The following MIF4GD variants were observed in gnomAD, a reference collection of about 807,000 sequenced individuals.
MIF4GD encodes MIF4G domain containing.
Under a neutral mutation model 26.7 loss-of-function variants are expected in MIF4GD, and 22 were observed. The ratio of observed to expected loss-of-function variants is 0.82; its 90% CI spans 0.59 to 1.18. The LOEUF (loss-of-function observed/expected upper bound fraction) is 1.18, where lower values mean the gene tolerates loss of function less well. MIF4GD is among the 50% of genes most tolerant of loss of function. The probability of loss-of-function intolerance (pLI) is 0.00; values close to 1 mark genes in which losing one functional copy is unlikely to be tolerated. For missense variants in MIF4GD, 262 were observed against 279.6 expected, an observed-to-expected ratio of 0.94 and a Z score of 0.45; for synonymous variants, 137 against 111.6, an observed-to-expected ratio of 1.23 and a Z score of -1.43.
chr17:75,269,281 T>C (rs1389670209), intron 2 of MIF4GD: 30 of 1,590,990 alleles, frequency 1.9e-5, no homozygotes, highest in East Asian at 6.8e-5. Flanking sequence ...GAGGGCCACA[T>C]AGGGCCTCCC....
upstream of MIF4GD, chr17:75,271,283 C>T (rs2077727453): frequency 6.6e-6 from 1 of 151,642 alleles, no homozygotes; most frequent in Non-Finnish European, 1.5e-5. The surrounding 1 kb of genome is among the most constrained non-coding windows in gnomAD (Gnocchi z 4.2). Context: ...CCCGCGCCAC[C>T]TGCCGGGCCC....
Position 75,270,969 on chromosome 17 carries a change from G to C in MIF4GD, c.-51+175C>G, listed in dbSNP as rs1374166239. ...GGGGGGCAGGATGATGCGCCCCGGA[G>C]AGGTGGCTCCCGCCGGAGGCTCCCC... On this transcript the variant is annotated intron_variant, in intron 1 of 5. Coordinates refer to ENST00000325102, the MANE Select transcript of MIF4GD (RefSeq NM_001370592.1). This position sits in a 1 kb window ranked among gnomAD's most constrained non-coding sequence, Gnocchi z 5.7. 1 of 152,216 alleles carries C rather than the reference G, an allele frequency of 6.6e-6. No homozygotes were observed. The highest frequency in any genetic ancestry group is 1.5e-5 in the Non-Finnish European group (1 of 68,052). 9.4% of individuals were successfully genotyped at this position (152,216 alleles called of 1,614,324 possible).
chr17:75,270,049 G>T lies in MIF4GD; in HGVS notation c.82+65C>A, dbSNP rs2077674243. 1 of 1,409,904 alleles carries T rather than the reference G, an allele frequency of 7.1e-7. No homozygotes were observed. The highest frequency in any genetic ancestry group is 1.7e-5 in the Admixed American group (1 of 59,272). The allele number at this position is 1,409,904 out of a possible 1,614,324, so 87.3% of individuals were successfully genotyped here. A position where few individuals can be genotyped will look rare whatever the true frequency, so the allele number is the denominator to read the frequency against. ...AGGCATTCACCAGGCTCAGCCTCTG[G>T]TGCTGCCCACAGGGGCCCTTCTCTG... On this transcript the variant is annotated intron_variant, in intron 2 of 5. Transcript: ENST00000325102. This position sits in a 1 kb window ranked among gnomAD's most constrained non-coding sequence, Gnocchi z 5.7.
intron 5 of MIF4GD, among the ~76,000 whole-genome samples, 163 bp from the exon 6 acceptor site, chr17:75,267,130 G>A (rs368777739): frequency 1.2e-4 from 18 of 152,110 alleles, no homozygotes; most frequent in African/African-American, 4.3e-4. Flanking sequence ...AAAGAAATGA[G>A]TTCCGGGACT....
Position 75,270,217 on chromosome 17 carries a change from CTT to C in MIF4GD, c.-24_-23del. ...CCATGACTAGCCAGCCCCGGTAGCT[CTT>C]GACTGGGCTGGGAATAAGGACAGCA... On this transcript the variant is annotated 5_prime_UTR_variant, in exon 2 of 6. Coordinates refer to ENST00000325102, the MANE Select transcript of MIF4GD (RefSeq NM_001370592.1). The surrounding 1 kb of genome is among the most constrained non-coding windows in gnomAD (Gnocchi z 5.7). 1 of 1,597,014 alleles carries C rather than the reference CTT, an allele frequency of 6.3e-7. No homozygotes were observed. The highest frequency in any genetic ancestry group is 8.6e-7 in the Non-Finnish European group (1 of 1,164,510).
Position 75,270,342 on chromosome 17 carries a change from A to G in MIF4GD, c.-50-97T>C, listed in dbSNP as rs1414635455. On this transcript the variant is annotated intron_variant, in intron 1 of 5. Coordinates refer to ENST00000325102, the MANE Select transcript of MIF4GD (RefSeq NM_001370592.1). The surrounding 1 kb of genome is among the most constrained non-coding windows in gnomAD (Gnocchi z 5.7). ...ACGGGGCTGACGGCGCGCTCGGGAC[A>G]GGGACTCCTGGGCGGTCCGTGGCGT... is the stretch of plus-strand genomic sequence containing the variant. 2.0e-5 allele frequency: 14 copies of G among 692,276 alleles called. No homozygotes were observed. In the East Asian group the frequency reaches 3.2e-4, roughly 16 times the overall value. 42.9% of individuals were successfully genotyped at this position (692,276 alleles called of 1,614,324 possible). A position where few individuals can be genotyped will look rare whatever the true frequency, so the allele number is the denominator to read the frequency against.
Position 75,270,586 on chromosome 17 carries a change from C to T in MIF4GD, c.-50-341G>A. 1 of 200,854 alleles carries T rather than the reference C, an allele frequency of 5.0e-6. No individual in the cohort carries two copies. Among genetic ancestry groups the T allele is most frequent in the South Asian group, 7.4e-5 (1 of 13,592 alleles). The allele number at this position is 200,854 out of a possible 1,614,324, so 12.4% of individuals were successfully genotyped here. A position where few individuals can be genotyped will look rare whatever the true frequency, so the allele number is the denominator to read the frequency against. On this transcript the variant is annotated intron_variant, in intron 1 of 5. Coordinates refer to ENST00000325102, the MANE Select transcript of MIF4GD (RefSeq NM_001370592.1). The surrounding 1 kb of genome is among the most constrained non-coding windows in gnomAD (Gnocchi z 5.7). ...CGTTACAGTTGCTTAAATAAACCGG[C>T]CTGACGTTGCTGGCCCAGGAAGATG...
chr17:75,268,371 T>C (rs907788181), intron 2 of MIF4GD, among the ~76,000 whole-genome samples, 179 bp from the exon 3 acceptor site: 5 of 152,266 alleles, frequency 3.3e-5, no homozygotes, highest in East Asian at 3.9e-4. Context: ...ATGGTACTTA[T>C]AAGAAATCAT....
chr17:75,270,558 G>T lies in MIF4GD; in HGVS notation c.-50-313C>A. On this transcript the variant is annotated intron_variant, in intron 1 of 5. Coordinates refer to ENST00000325102, the MANE Select transcript of MIF4GD (RefSeq NM_001370592.1). The surrounding 1 kb of genome is among the most constrained non-coding windows in gnomAD (Gnocchi z 5.7). ...AGACTGGGGCAGGGTGTGTGCGGGCGGACGTTACAGTTGCTTAAATAAACC... is the reference window on the plus strand; with the variant it reads ...AGACTGGGGCAGGGTGTGTGCGGGCTGACGTTACAGTTGCTTAAATAAACC... 1 of 245,152 alleles carries T rather than the reference G, an allele frequency of 4.1e-6. No individual in the cohort carries two copies. The highest frequency in any genetic ancestry group is 4.8e-5 in the South Asian group (1 of 20,968). 15.2% of individuals were successfully genotyped at this position (245,152 alleles called of 1,614,324 possible). A position where few individuals can be genotyped will look rare whatever the true frequency, so the allele number is the denominator to read the frequency against.
Position 75,266,732 on chromosome 17 carries a change from C to G in MIF4GD, c.*8G>C, listed in dbSNP as rs145006252. 3.0e-3 allele frequency: 4,842 copies of G among 1,613,988 alleles called. 13 individuals carry two copies. The highest frequency in any genetic ancestry group is 3.8e-3 in the Non-Finnish European group (4,516 of 1,179,818). On this transcript the variant is annotated 3_prime_UTR_variant, in exon 6 of 6. Coordinates refer to ENST00000325102, the MANE Select transcript of MIF4GD (RefSeq NM_001370592.1). The stretch of plus-strand genomic sequence containing the variant: ...CCAGTGCTGGTGAGGAAGCCCTGAT[C>G]TGGAGGCCTAGTCGGAGACTTCGCT...
intron 2 of MIF4GD, 149 bp from the exon 3 acceptor site, chr17:75,268,341 GTGGTGCAAT>G: frequency 4.4e-6 from 3 of 677,062 alleles, no homozygotes; most frequent in South Asian, 1.7e-5. Context: ...AGTGGCTCCA[GTGGTGCAAT>G]TGGTTAGCGC....
At chr17:75,267,181 G>GGCTCCAAACCACT (rs1359919195) in intron 5 of MIF4GD, among the ~76,000 whole-genome samples, 1 of 60,310 alleles carries the variant, frequency 1.7e-5, no homozygotes, top group Non-Finnish European at 5.2e-5. Flanking sequence ...ACTCAAGCCT[G>GGCTCCAAACCACT]TCTCCAAACC....
chr17:75,270,130 C>T lies in MIF4GD; in HGVS notation c.66G>A (p.Leu22=). 6.2e-7 allele frequency: 1 copy of T among 1,614,070 alleles called. No homozygotes were observed. The highest frequency in any genetic ancestry group is 1.1e-5 in the South Asian group (1 of 91,068). Residue 22 remains leucine, a synonymous_variant, in exon 2 of 6, where the codon CTG becomes CTA. Transcript: ENST00000325102. This position sits in a 1 kb window ranked among gnomAD's most constrained non-coding sequence, Gnocchi z 5.7. ...QSFDAETQQL[L]KTALKDPGAV... ...CGTGCTCACCTTTGAGTGCTGTCTTCAGCAGCTGCTGGGTCTCTGCATCAA... is the reference window on the plus strand; with the variant it reads ...CGTGCTCACCTTTGAGTGCTGTCTTTAGCAGCTGCTGGGTCTCTGCATCAA...
chr17:75,270,298 TC>T lies in MIF4GD; in HGVS notation c.-50-54del. The T allele has an allele frequency of 9.6e-7, 1 of 1,044,334 alleles. No homozygotes were observed. The highest frequency in any genetic ancestry group is 1.5e-6 in the Non-Finnish European group (1 of 675,390). The allele number at this position is 1,044,334 out of a possible 1,614,324, so 64.7% of individuals were successfully genotyped here. A position where few individuals can be genotyped will look rare whatever the true frequency, so the allele number is the denominator to read the frequency against. On this transcript the variant is annotated intron_variant, in intron 1 of 5. Transcript: ENST00000325102. This position sits in a 1 kb window ranked among gnomAD's most constrained non-coding sequence, Gnocchi z 5.7. The stretch of plus-strand genomic sequence containing the variant: ...CTCAGGTGTGGAGCGCAGGGCGGGT[TC>T]CGTCCTGCAGGCCCTGGACGGGGCT...
Position 75,271,148 on chromosome 17 carries a change from C to T in MIF4GD, c.-55G>A, listed in dbSNP as rs1370278317. On this transcript the variant is annotated 5_prime_UTR_variant, in exon 1 of 6. Coordinates refer to ENST00000325102, the MANE Select transcript of MIF4GD (RefSeq NM_001370592.1). The surrounding 1 kb of genome is among the most constrained non-coding windows in gnomAD (Gnocchi z 4.2). ...GGCGTGGGAGCCGGGACCCACCTGC[C>T]GGGCCGGTGGCGCGCGCGCGTGCCC... The T allele has an allele frequency of 1.3e-5, 2 of 149,030 alleles. No homozygotes were observed. The highest frequency in any genetic ancestry group is 4.9e-5 in the African/African-American group (2 of 41,116). The allele number at this position is 149,030 out of a possible 1,614,324, so 9.2% of individuals were successfully genotyped here.
At position 75,270,065 on chromosome 17, in the gene MIF4GD, C is replaced by T; in HGVS notation, c.82+49G>A. On this transcript the variant is annotated intron_variant, in intron 2 of 5. Transcript: ENST00000325102. This position sits in a 1 kb window ranked among gnomAD's most constrained non-coding sequence, Gnocchi z 5.7. ...CAGCCTCTGGTGCTGCCCACAGGGG[C>T]CCTTCTCTGTAGCTCCTGACCCCAG... 1 of 1,533,982 alleles carries T rather than the reference C, an allele frequency of 6.5e-7. No individual in the cohort carries two copies.
rs547378214 is a variant in MIF4GD, at chr17:75,270,371, G to A, written c.-50-126C>T. 17 of 604,078 alleles carry A rather than the reference G, an allele frequency of 2.8e-5. No individual in the cohort carries two copies. Among genetic ancestry groups the A allele is most frequent in the Non-Finnish European group, 4.4e-5 (15 of 338,036 alleles). The allele number at this position is 604,078 out of a possible 1,614,324, so 37.4% of individuals were successfully genotyped here. A position where few individuals can be genotyped will look rare whatever the true frequency, so the allele number is the denominator to read the frequency against. On this transcript the variant is annotated intron_variant, in intron 1 of 5. Transcript: ENST00000325102. The surrounding 1 kb of genome is among the most constrained non-coding windows in gnomAD (Gnocchi z 5.7). ...ACTCCTGGGCGGTCCGTGGCGTGCG[G>A]TGGTTGGCTGAAGGCCCACCAGGCT...
At chr17:75,269,253 T>C (rs2077620693) in intron 2 of MIF4GD, 1 of 1,455,902 alleles carries the variant, frequency 6.9e-7, no homozygotes, top group African/African-American at 1.4e-5. Flanking sequence ...ACTACACACA[T>C]GCAAACCCCC....
At chr17:75,268,948 G>A (rs1350312152) in intron 2 of MIF4GD, among the ~76,000 whole-genome samples, 2 of 151,914 alleles carry the variant, frequency 1.3e-5, no homozygotes, top group African/African-American at 4.8e-5. Flanking sequence ...AGGTTGCAGT[G>A]AGCCAAGATC....
Sources: gnomAD v4.1 joint callset for allele counts (sites outside exome capture counted in the v4.1 genomes callset) on GRCh38, gnomAD v4.1.1 for gene constraint, Gnocchi (gnomAD v3.1) non-coding constraint, MANE v1.5 for transcripts, NCBI Gene and HGNC (gene_info 2026-07-23, HGNC 2026-07-21) for gene names.